The following FSTL5 variants were observed in gnomAD, a reference collection of about 807,000 sequenced individuals.
The protein encoded by FSTL5 is follistatin-related protein 5.
A neutral mutation model predicts 89.1 loss-of-function variants in FSTL5; 62 were observed. The observed-to-expected ratio is 0.70, with a 90% confidence interval of 0.57 to 0.86. The LOEUF (loss-of-function observed/expected upper bound fraction) is 0.86. FSTL5 is among the 40% of genes least tolerant of loss of function. FSTL5 has a pLI of 0.00. For missense variants in FSTL5, 1,057 were observed against 1,001.6 expected, an observed-to-expected ratio of 1.06 and a Z score of -0.75; for synonymous variants, 383 against 346.2, an observed-to-expected ratio of 1.11 and a Z score of -1.18.
Position 162,048,896 on chromosome 4 carries a change from T to A in FSTL5, c.127-15238A>T, listed in dbSNP as rs112077632. ...AGCTGATGCTGAAACTGTAGACATTTTTCACTCAGTATATCCTATAAGGTG... is the reference window on the plus strand; with the variant it reads ...AGCTGATGCTGAAACTGTAGACATTATTCACTCAGTATATCCTATAAGGTG... On this transcript the variant is annotated intron_variant, in intron 2 of 15. Coordinates refer to ENST00000306100, the MANE Select transcript of FSTL5 (RefSeq NM_020116.5). 1.7e-3 allele frequency among the ~76,000 whole-genome samples: 263 copies of A among 152,206 alleles called. 1 individual carries two copies. The highest frequency in any genetic ancestry group is 6.0e-3 in the African/African-American group (248 of 41,536).
intron 3 of FSTL5, among the ~76,000 whole-genome samples, chr4:161,975,108 G>T (rs359483): frequency 0.22 from 29,596 of 132,764 alleles, 4,067 homozygotes; most frequent in African/African-American, 0.41. Flanking sequence ...AAACAACAGG[G>T]GCTGGAGAGG....
chr4:161,913,325 T>C (rs1312968772), intron 4 of FSTL5, among the ~76,000 whole-genome samples: 1 of 152,090 alleles, frequency 6.6e-6, no homozygotes, highest in Admixed American at 6.5e-5. Context: ...AGTGGTTTGG[T>C]AGGCTGGGTC....
chr4:161,926,407 G>GTT (rs1356312134), intron 3 of FSTL5, among the ~76,000 whole-genome samples: 4 of 127,356 alleles, frequency 3.1e-5, no homozygotes, highest in Non-Finnish European at 6.7e-5. Flanking sequence ...TTTTTTTTTT[G>GTT]TTTTGTTTTT....
chr4:162,143,921 G>A (rs189064234), intron 1 of FSTL5, among the ~76,000 whole-genome samples: 1 of 151,958 alleles, frequency 6.6e-6, no homozygotes, highest in East Asian at 1.9e-4. Flanking sequence ...TATAACAGAA[G>A]TACAAACATT....
chr4:161,831,125 T>C (rs1400610385), intron 4 of FSTL5, among the ~76,000 whole-genome samples: 8 of 151,626 alleles, frequency 5.3e-5, no homozygotes, highest in East Asian at 1.9e-4. Context: ...GTGGGGGAAA[T>C]TGGTAACTAT....
chr4:161,577,126 G>GT (rs915448897), intron 8 of FSTL5, among the ~76,000 whole-genome samples: 4 of 152,034 alleles, frequency 2.6e-5, no homozygotes, highest in Non-Finnish European at 4.4e-5. Flanking sequence ...TATTTGCCAT[G>GT]TTTTTTTGGC....
At chr4:161,527,828 A>C (rs962818293) in intron 10 of FSTL5, among the ~76,000 whole-genome samples, 6 of 151,426 alleles carry the variant, frequency 4.0e-5, no homozygotes, top group African/African-American at 1.5e-4. Flanking sequence ...TCATGCTGCT[A>C]TAAAGACACA....
intron 7 of FSTL5, among the ~76,000 whole-genome samples, chr4:161,639,403 G>C (rs571600032): frequency 6.6e-6 from 1 of 152,250 alleles, no homozygotes; most frequent in South Asian, 2.1e-4. Flanking sequence ...TGCTTAAAAC[G>C]TTATAGGTGT....
chr4:161,935,718 T>C (rs1385488220), intron 3 of FSTL5, among the ~76,000 whole-genome samples: 1 of 152,086 alleles, frequency 6.6e-6, no homozygotes, highest in East Asian at 1.9e-4. Context: ...TTTCTCATGG[T>C]CCCCATATTC....
chr4:161,421,741 T>C (rs1731997986), intron 15 of FSTL5, among the ~76,000 whole-genome samples: 1 of 152,184 alleles, frequency 6.6e-6, no homozygotes, highest in South Asian at 2.1e-4. Context: ...AGGGCTTGAA[T>C]AGAACAAAAA....
At chr4:161,931,294 C>CA (rs967310069) in intron 3 of FSTL5, among the ~76,000 whole-genome samples, 5 of 151,704 alleles carry the variant, frequency 3.3e-5, no homozygotes, top group African/African-American at 1.2e-4. Flanking sequence ...GAAAAGAAAA[C>CA]AACAGGAGTC....
intron 2 of FSTL5, among the ~76,000 whole-genome samples, chr4:162,045,917 A>G (rs941034437): frequency 1.3e-5 from 2 of 151,448 alleles, no homozygotes; most frequent in Admixed American, 6.6e-5. Context: ...ATTTAATTTT[A>G]CAATATTTTA....
chr4:161,399,560 T>C (rs562854541), intron 15 of FSTL5, among the ~76,000 whole-genome samples: 4 of 142,654 alleles, frequency 2.8e-5, no homozygotes, highest in Admixed American at 1.4e-4. Flanking sequence ...GCCAACCAAC[T>C]TTTTTTTTCA....
intron 6 of FSTL5, among the ~76,000 whole-genome samples, chr4:161,671,550 A>G (rs900094469): frequency 6.6e-6 from 1 of 152,176 alleles, no homozygotes; most frequent in African/African-American, 2.4e-5. Context: ...CCTTAGACAC[A>G]TGTAAGTTTT....
intron 7 of FSTL5, among the ~76,000 whole-genome samples, chr4:161,645,854 T>G (rs1278854309): frequency 6.6e-6 from 1 of 152,044 alleles, no homozygotes; most frequent in Non-Finnish European, 1.5e-5. Context: ...AATGAATCAG[T>G]GATAAAAATT....
At chr4:161,434,850 C>T (rs1358400025) in intron 15 of FSTL5, among the ~76,000 whole-genome samples, 2 of 151,820 alleles carry the variant, frequency 1.3e-5, no homozygotes, top group Non-Finnish European at 1.5e-5. Context: ...ATCAGAGAAA[C>T]GCAAATCAAC....
At chr4:161,829,237 A>G (rs1730766691) in intron 4 of FSTL5, among the ~76,000 whole-genome samples, 1 of 149,728 alleles carries the variant, frequency 6.7e-6, no homozygotes. Flanking sequence ...GTATATTTAA[A>G]TATATGATCT....
At chr4:162,151,442 G>C (rs918969810) in intron 1 of FSTL5, among the ~76,000 whole-genome samples, 2 of 152,122 alleles carry the variant, frequency 1.3e-5, no homozygotes, top group Admixed American at 1.3e-4. Context: ...AGTTTGAAAG[G>C]TTCTGAAATA....
chr4:161,971,643 A>G (rs1735487186), intron 3 of FSTL5, among the ~76,000 whole-genome samples: 1 of 152,176 alleles, frequency 6.6e-6, no homozygotes, highest in South Asian at 2.1e-4. Flanking sequence ...TAATTATTTA[A>G]AAACTATAAA....
Sources: allele counts gnomAD v4.1 joint callset (sites outside exome capture counted in the v4.1 genomes callset), GRCh38; gene constraint gnomAD v4.1.1; transcripts MANE v1.5; gene names NCBI Gene and HGNC (gene_info 2026-07-23, HGNC 2026-07-21).